TOP1: variants seen among roughly 807,000 people sequenced by gnomAD.
TOP1 encodes the protein DNA topoisomerase 1.
TOP1 carries 10 observed loss-of-function variants against 111.1 expected under a neutral mutation model. The observed-to-expected ratio is 0.09, with a 90% CI of 0.06 to 0.15. The LOEUF is 0.15. Ranked by LOEUF, TOP1 falls within the 10% of genes least tolerant of loss-of-function variation. The pLI is 1.00. For synonymous variants in TOP1, 271 were observed against 302.9 expected, an observed-to-expected ratio of 0.89 and a Z score of 1.10; for missense variants, 474 against 926.7, an observed-to-expected ratio of 0.51 and a Z score of 6.34.
In TOP1 at chr20:41,122,066, A is replaced by G; in HGVS notation, c.2106A>G (p.Glu702=). 6.2e-7 allele frequency: 1 copy of G among 1,614,174 alleles called. No homozygotes were observed. The highest frequency in any genetic ancestry group is 1.1e-5 in the South Asian group (1 of 91,076). The stretch of plus-strand genomic sequence containing the variant: ...TGGAGGAACAGTTGATGAAGCTGGA[A>G]GTTCAAGCCACAGACCGAGAGGAAA... ...QRLEEQLMKL[E]VQATDREENK... is the part of the protein sequence containing the mutation. Residue 702 remains glutamate (E), a synonymous_variant, in exon 20 of 21, where the codon GAA becomes GAG. Coordinates refer to ENST00000361337, the MANE Select transcript of TOP1 (RefSeq NM_003286.4). This position sits in a 1 kb window ranked among gnomAD's most constrained non-coding sequence, Gnocchi z 5.4.
rs2033932054 is a variant in TOP1, at chr20:41,092,514, C to G, written c.657C>G (p.Phe219Leu). The G allele has an allele frequency of 6.2e-7, 1 of 1,605,760 alleles. No individual in the cohort carries two copies. The highest frequency in any genetic ancestry group is 1.1e-5 in the South Asian group (1 of 89,460). Residue 219 changes from phenylalanine (F) to leucine (L), a missense_variant, in exon 9 of 21, where the codon TTC becomes TTG. Transcript: ENST00000361337. The surrounding 1 kb of genome is among the most constrained non-coding windows in gnomAD (Gnocchi z 4.3). ...ERYPEGIKWK[F>L]LEHKGPVFAP... is the part of the protein sequence containing the mutation. ...ATCCTGAAGGCATCAAGTGGAAATT[C>G]CTAGAACATAAAGGTCCAGTATTTG... is the stretch of plus-strand genomic sequence containing the variant.
At position 41,092,911 on chromosome 20, in the gene TOP1, T is replaced by G. The variant is rs1236866623; in HGVS notation, c.730+324T>G. Among the ~76,000 whole-genome samples, 4 of 151,698 alleles carry G rather than the reference T, an allele frequency of 2.6e-5. No homozygotes were observed. Among genetic ancestry groups the G allele is most frequent in the Non-Finnish European group, 5.9e-5 (4 of 68,020 alleles). The stretch of plus-strand genomic sequence containing the variant: ...TCTAGGGAGCAACTCTTCGCAAGAG[T>G]TATTAGAAAAGCCTCACTTGAATGG... On this transcript the variant is annotated intron_variant, in intron 9 of 20. Transcript: ENST00000361337. The surrounding 1 kb of genome is among the most constrained non-coding windows in gnomAD (Gnocchi z 4.3).
intron 2 of TOP1, among the ~76,000 whole-genome samples, chr20:41,033,183 A>G (rs932097270): frequency 1.3e-5 from 2 of 152,224 alleles, no homozygotes; most frequent in African/African-American, 4.8e-5. Flanking sequence ...TCCAGGCATC[A>G]CTAAAAGAAT....
chr20:41,076,594 GTCT>G (rs1180879001), intron 4 of TOP1, among the ~76,000 whole-genome samples: 1 of 152,162 alleles, frequency 6.6e-6, no homozygotes, highest in Admixed American at 6.5e-5. Flanking sequence ...TGCCTTGATG[GTCT>G]TCTGTTCATT....
At chr20:41,037,369 G>T (rs190743746) in intron 2 of TOP1, among the ~76,000 whole-genome samples, 1 of 152,206 alleles carries the variant, frequency 6.6e-6, no homozygotes. Flanking sequence ...TATGTCTTGT[G>T]TCAGCATATT....
At chr20:41,057,191 G>C (rs532980520) in intron 2 of TOP1, among the ~76,000 whole-genome samples, 1 of 151,000 alleles carries the variant, frequency 6.6e-6, no homozygotes, top group Non-Finnish European at 1.5e-5. Flanking sequence ...GCTTGAACCC[G>C]GGAGGCTGAG....
chr20:41,031,506 T>C (rs1192629244), intron 2 of TOP1, among the ~76,000 whole-genome samples: 2 of 152,262 alleles, frequency 1.3e-5, no homozygotes, highest in Non-Finnish European at 2.9e-5. Context: ...GCTGAAGTAA[T>C]CTGCGTATGT....
At chr20:41,059,629 C>G (rs968295635) in intron 2 of TOP1, among the ~76,000 whole-genome samples, 3 of 151,778 alleles carry the variant, frequency 2.0e-5, no homozygotes, top group Non-Finnish European at 4.4e-5. Flanking sequence ...ATCTGTGTAG[C>G]CCTTGAGTAG....
Position 41,029,920 on chromosome 20 carries a change from G to T in TOP1, c.58+465G>T, listed in dbSNP as rs183710027. Among the ~76,000 whole-genome samples the T allele has an allele frequency of 6.6e-6, 1 of 152,340 alleles. No homozygotes were observed. The highest frequency in any genetic ancestry group is 1.5e-5 in the Non-Finnish European group (1 of 68,040). ...CTTCACCAGAGAGGGAAGGCTGGGGGACTGAATTATTATTTTTTAAACTTT... is the reference window on the plus strand; with the variant it reads ...CTTCACCAGAGAGGGAAGGCTGGGGTACTGAATTATTATTTTTTAAACTTT... On this transcript the variant is annotated intron_variant, in intron 2 of 20. Coordinates refer to ENST00000361337, the MANE Select transcript of TOP1 (RefSeq NM_003286.4). The surrounding 1 kb of genome is among the most constrained non-coding windows in gnomAD (Gnocchi z 6.1).
chr20:41,101,479 A>G lies in TOP1; in HGVS notation c.1308+126A>G. 3 of 1,039,308 alleles carry G rather than the reference A, an allele frequency of 2.9e-6. No homozygotes were observed. Among genetic ancestry groups the G allele is most frequent in the Non-Finnish European group, 4.1e-6 (3 of 730,476 alleles). The allele number at this position is 1,039,308 out of a possible 1,614,324, so 64.4% of individuals were successfully genotyped here. A position where few individuals can be genotyped will look rare whatever the true frequency, so the allele number is the denominator to read the frequency against. ...AAATCCTCCCCATTGAAAGAAGGCA[A>G]GTACTTTCATAGTTAGCATTATGGT... On this transcript the variant is annotated intron_variant, in intron 13 of 20. Transcript: ENST00000361337. This position sits in a 1 kb window ranked among gnomAD's most constrained non-coding sequence, Gnocchi z 4.1.
At chr20:41,085,311 T>G (rs115401884) in intron 8 of TOP1, among the ~76,000 whole-genome samples, 252 of 152,288 alleles carry the variant, frequency 1.7e-3, no homozygotes, top group African/African-American at 5.9e-3. Flanking sequence ...CCTCTCAGAT[T>G]GGGAAAGATT....
intron 2 of TOP1, among the ~76,000 whole-genome samples, chr20:41,060,125 T>C (rs1196798943): frequency 6.6e-6 from 1 of 152,244 alleles, no homozygotes. Flanking sequence ...AAGTTAAACA[T>C]ACATTTTTTA....
At position 41,081,211 on chromosome 20, in the gene TOP1, G is replaced by A; in HGVS notation, c.478G>A (p.Glu160Lys). The A allele has an allele frequency of 6.2e-7, 1 of 1,603,348 alleles. No homozygotes were observed. The highest frequency in any genetic ancestry group is 8.5e-7 in the Non-Finnish European group (1 of 1,172,574). Residue 160 changes from glutamate to lysine, a missense_variant, in exon 7 of 21, where the codon GAG (glutamate) becomes AAG (lysine). Transcript: ENST00000361337. Reference sequence around the variant, plus strand: ...AATTAAAACAGAAGATACCAAGAAGGAGAAGAAAAGAAAACTAGAAGAAGA... The same window carrying A: ...AATTAAAACAGAAGATACCAAGAAGAAGAAGAAAAGAAAACTAGAAGAAGA... Reference protein sequence around the residue: ...KKIKTEDTKKEKKRKLEEEED... With the variant: ...KKIKTEDTKKKKKRKLEEEED...
rs1364519164 is a variant in TOP1 at position 41,029,129 on chromosome 20, C to G, written c.33+29C>G. The G allele has an allele frequency of 1.4e-6, 2 of 1,468,858 alleles. No homozygotes were observed. The highest frequency in any genetic ancestry group is 1.8e-6 in the Non-Finnish European group (2 of 1,110,296). 91.0% of individuals were successfully genotyped at this position (1,468,858 alleles called of 1,614,324 possible). A position where few individuals can be genotyped will look rare whatever the true frequency, so the allele number is the denominator to read the frequency against. On this transcript the variant is annotated intron_variant, in intron 1 of 20. Coordinates refer to ENST00000361337, the MANE Select transcript of TOP1 (RefSeq NM_003286.4). This position sits in a 1 kb window ranked among gnomAD's most constrained non-coding sequence, Gnocchi z 6.1. Reference sequence around the variant, plus strand: ...CGGCCCGGCCTGACCCTGGCGGCCCCGGACCCCGGCCTGGCCGTCCCGCGA... The same window carrying G: ...CGGCCCGGCCTGACCCTGGCGGCCCGGGACCCCGGCCTGGCCGTCCCGCGA...
rs2034460001 is a variant in TOP1 at position 41,124,147 on chromosome 20, A to C, written c.*850A>C. 3 of 232,858 alleles carry C rather than the reference A, an allele frequency of 1.3e-5. No homozygotes were observed. The East Asian group carries it at 1.8e-4, about 14-fold the overall frequency. The allele number at this position is 232,858 out of a possible 1,614,324, so 14.4% of individuals were successfully genotyped here. On this transcript the variant is annotated 3_prime_UTR_variant, in exon 21 of 21. Transcript: ENST00000361337. This position sits in a 1 kb window ranked among gnomAD's most constrained non-coding sequence, Gnocchi z 5.4. ...TATCCATCTTTTTCTTTTTAACCCT[A>C]ATCTTTCACTTGAAAGATTTTATTG...
Position 41,115,227 on chromosome 20 carries a change from TA to T in TOP1, c.1639-140del. On this transcript the variant is annotated intron_variant, in intron 15 of 20. Transcript: ENST00000361337. This position sits in a 1 kb window ranked among gnomAD's most constrained non-coding sequence, Gnocchi z 6.3. ...CACACTGTGCAAATGATGAATGGGG[TA>T]AAATGTTAACAGTGAATCTCGGTGA... The T allele has an allele frequency of 1.7e-6, 1 of 597,090 alleles. No homozygotes were observed. Among genetic ancestry groups the T allele is most frequent in the Non-Finnish European group, 3.0e-6 (1 of 332,836 alleles). 37.0% of individuals were successfully genotyped at this position (597,090 alleles called of 1,614,324 possible). A position where few individuals can be genotyped will look rare whatever the true frequency, so the allele number is the denominator to read the frequency against.
chr20:41,097,354 A>C lies in TOP1; in HGVS notation c.852+13A>C. 1 of 1,610,816 alleles carries C rather than the reference A, an allele frequency of 6.2e-7. No individual in the cohort carries two copies. Among genetic ancestry groups the C allele is most frequent in the Non-Finnish European group, 8.5e-7 (1 of 1,178,572 alleles). On this transcript the variant is annotated intron_variant, in intron 10 of 20. Transcript: ENST00000361337. This position sits in a 1 kb window ranked among gnomAD's most constrained non-coding sequence, Gnocchi z 4.2. ...AGACTGGAGAAAGGTACTGTAGCCCATGTGTTAATATCCTAGTACCTTGCA... is the reference window on the plus strand; with the variant it reads ...AGACTGGAGAAAGGTACTGTAGCCCCTGTGTTAATATCCTAGTACCTTGCA...
chr20:41,055,086 A>C (rs2145923549), intron 2 of TOP1, among the ~76,000 whole-genome samples: 1 of 152,324 alleles, frequency 6.6e-6, no homozygotes, highest in African/African-American at 2.4e-5. Flanking sequence ...AGTTGCCATA[A>C]GTCTTCTGTT....
intron 8 of TOP1, among the ~76,000 whole-genome samples, chr20:41,091,799 C>G (rs1045214446): frequency 3.9e-5 from 6 of 152,004 alleles, no homozygotes; most frequent in African/African-American, 1.5e-4. Flanking sequence ...CTCCTGACCT[C>G]GTGATCTGCC....
Sources: gnomAD v4.1 joint callset for allele counts (sites outside exome capture counted in the v4.1 genomes callset) on GRCh38, gnomAD v4.1.1 for gene constraint, Gnocchi (gnomAD v3.1) non-coding constraint, MANE v1.5 for transcripts, NCBI Gene and HGNC (gene_info 2026-07-23, HGNC 2026-07-21) for gene names.